NCOR1: variants seen among roughly 807,000 people sequenced by gnomAD.
NCOR1 encodes the protein nuclear receptor corepressor 1.
A neutral mutation model predicts 288.1 loss-of-function variants in NCOR1; 63 were observed. That is an observed-to-expected ratio of 0.22 (90% CI 0.18 to 0.27). The LOEUF is 0.27. NCOR1 is among the 10% of genes least tolerant of loss of function. The pLI, the probability that NCOR1 is intolerant of heterozygous loss-of-function variation, is 1.00. For missense variants in NCOR1, 2,397 were observed against 3,019.2 expected (o/e 0.79, Z 4.83); for synonymous variants, 1,007 against 1,065.9 (o/e 0.94, Z 1.08).
chr17:16,210,805 C>G (rs1313339671), intron 1 of NCOR1, among the ~76,000 whole-genome samples: 1 of 151,756 alleles, frequency 6.6e-6, no homozygotes, highest in African/African-American at 2.4e-5. Flanking sequence ...TCTCGGCTTA[C>G]TGCAAGCTCC....
intron 14 of NCOR1, among the ~76,000 whole-genome samples, chr17:16,131,253 C>T (rs571997133): frequency 1.3e-5 from 2 of 151,200 alleles, no homozygotes; most frequent in African/African-American, 4.9e-5. Flanking sequence ...TCAAACCTCC[C>T]AGGCTCAAGC....
intron 20 of NCOR1, 191 bp from the exon 21 acceptor site, chr17:16,098,687 T>A: frequency 2.4e-6 from 1 of 418,828 alleles, no homozygotes. Context: ...ATTTTCCAGA[T>A]AAAGAAACTG....
chr17:16,079,541 C>G (rs2063068444), intron 26 of NCOR1, among the ~76,000 whole-genome samples: 1 of 152,180 alleles, frequency 6.6e-6, no homozygotes, highest in Non-Finnish European at 1.5e-5. Flanking sequence ...TCCACATTTC[C>G]TGGTTTAGCA....
chr17:16,058,361 C>A, intron 38 of NCOR1, 110 bp downstream of exon 38: 1 of 1,385,934 alleles, frequency 7.2e-7, no homozygotes. Context: ...GTAAGATTAC[C>A]CTAAAACAAA....
rs1568194927 is a variant in NCOR1, at chr17:16,127,289, A to ATATGTATGTATGTATATATACATGTATG, written c.1510-1111_1510-1084dup. Reference sequence around the variant, plus strand: ...TATATGTATGTATATATACGTGTATATATGTATGTATGTATATATACATGT... The same window carrying ATATGTATGTATGTATATATACATGTATG: ...TATATGTATGTATATATACGTGTATATATGTATGTATGTATATATACATGTATGTATGTATGTATGTATATATACATGT... On this transcript the variant is annotated intron_variant, in intron 14 of 45. Coordinates refer to ENST00000268712, the MANE Select transcript of NCOR1 (RefSeq NM_006311.4). Among the ~76,000 whole-genome samples, 43 of 84,476 alleles carry ATATGTATGTATGTATATATACATGTATG rather than the reference A, an allele frequency of 5.1e-4. 12 individuals carry two copies. The highest frequency in any genetic ancestry group is 1.3e-3 in the Admixed American group (12 of 8,984). The allele number at this position is 84,476 out of a possible 152,430, so 55.4% of individuals were successfully genotyped here.
intron 9 of NCOR1, among the ~76,000 whole-genome samples, chr17:16,147,879 C>T (rs566469824): frequency 3.3e-5 from 5 of 152,100 alleles, no homozygotes; most frequent in South Asian, 2.1e-4. Flanking sequence ...AGTGCAGTGG[C>T]GCGATCTCGC....
At chr17:16,113,576 A>C (rs1476082385) in intron 18 of NCOR1, among the ~76,000 whole-genome samples, 1 of 152,136 alleles carries the variant, frequency 6.6e-6, no homozygotes, top group Non-Finnish European at 1.5e-5. Context: ...TACCATATCA[A>C]GGAACCCTTC....
intron 4 of NCOR1, among the ~76,000 whole-genome samples, chr17:16,168,063 TAAAC>T (rs1230802182): frequency 5.3e-5 from 8 of 151,808 alleles, no homozygotes; most frequent in Non-Finnish European, 8.8e-5. Context: ...AAATAACCAA[TAAAC>T]AAATAAAAAA....
intron 14 of NCOR1, among the ~76,000 whole-genome samples, chr17:16,127,590 T>TAC (rs2153218276): frequency 6.8e-6 from 1 of 147,078 alleles, no homozygotes; most frequent in African/African-American, 2.5e-5. Flanking sequence ...TATGTGTATA[T>TAC]ATGTATGTAT....
intron 1 of NCOR1, among the ~76,000 whole-genome samples, chr17:16,205,124 G>A (rs1193923460): frequency 6.6e-6 from 1 of 151,990 alleles, no homozygotes; most frequent in Non-Finnish European, 1.5e-5. Context: ...GGAGGCTAAG[G>A]CAGGAGAATC....
chr17:16,146,971 C>G (rs2078080044), intron 9 of NCOR1, among the ~76,000 whole-genome samples: 1 of 152,174 alleles, frequency 6.6e-6, no homozygotes. Flanking sequence ...TCCTTCCAAT[C>G]TGCGAAACAA....
intron 1 of NCOR1, among the ~76,000 whole-genome samples, chr17:16,199,367 A>G (rs1313563224): frequency 6.6e-6 from 1 of 152,096 alleles, no homozygotes; most frequent in Admixed American, 6.6e-5. Flanking sequence ...AAACTTATCC[A>G]TGAGATACAC....
intron 3 of NCOR1, among the ~76,000 whole-genome samples, chr17:16,184,646 A>C (rs2086227591): frequency 6.6e-6 from 1 of 152,200 alleles, no homozygotes; most frequent in African/African-American, 2.4e-5. Context: ...ATTATGGAAA[A>C]CAGTATGAAA....
chr17:16,077,632 G>GGAAAAGAAAAGA (rs1201332797), intron 26 of NCOR1, among the ~76,000 whole-genome samples: 14 of 148,738 alleles, frequency 9.4e-5, no homozygotes, highest in East Asian at 2.0e-4. Context: ...AGGGAGGAAG[G>GGAAAAGAAAAGA]GAAAAGAAAA....
At chr17:16,186,495 CA>C in intron 3 of NCOR1, 58 bp downstream of exon 3, 2 of 1,507,264 alleles carry the variant, frequency 1.3e-6, no homozygotes, top group East Asian at 4.7e-5. Flanking sequence ...AAAATAATGA[CA>C]AACTTGTATA....
At position 16,180,038 on chromosome 17, in the gene NCOR1, C is replaced by T. The variant is rs115019769; in HGVS notation, c.242+6516G>A. Among the ~76,000 whole-genome samples the T allele has an allele frequency of 6.1e-3, 928 of 151,142 alleles. 9 individuals are homozygous for T. Among genetic ancestry groups the T allele is most frequent in the African/African-American group, 0.022 (903 of 41,080 alleles). On this transcript the variant is annotated intron_variant, in intron 3 of 45. Coordinates refer to ENST00000268712, the MANE Select transcript of NCOR1 (RefSeq NM_006311.4). ...AACAACACATCACGAAGATTACAAA[C>T]CACTAGCAAGTGGGACATATCCCTG...
chr17:16,065,883 C>G (rs1219193120), intron 32 of NCOR1, 189 bp from the exon 33 acceptor site: 1 of 586,944 alleles, frequency 1.7e-6, no homozygotes, highest in African/African-American at 1.9e-5. Context: ...ATTCTAATGT[C>G]TAAGATGTAA....
At chr17:16,160,107 C>A (rs1254777144) in intron 5 of NCOR1, among the ~76,000 whole-genome samples, 1 of 152,110 alleles carries the variant, frequency 6.6e-6, no homozygotes, top group East Asian at 1.9e-4. Flanking sequence ...GCCGGGATTA[C>A]CGCTGTGAGC....
In NCOR1 at chr17:16,193,289, G is replaced by A. The variant is rs536251196; in HGVS notation, c.108+1173C>T. On this transcript the variant is annotated intron_variant, in intron 2 of 45. Coordinates refer to ENST00000268712, the MANE Select transcript of NCOR1 (RefSeq NM_006311.4). ...CTTGTTGCCCAGGCTGGAGTGCAAC[G>A]GCGCAATTTTGGCTCACTGCAACCT... 7.0e-3 allele frequency among the ~76,000 whole-genome samples: 1,061 copies of A among 151,914 alleles called. 11 individuals carry two copies. The highest frequency in any genetic ancestry group is 0.025 in the African/African-American group (1,019 of 41,416).
Sources: allele counts gnomAD v4.1 joint callset (sites outside exome capture counted in the v4.1 genomes callset), GRCh38; gene constraint gnomAD v4.1.1; transcripts MANE v1.5; gene names NCBI Gene and HGNC (gene_info 2026-07-23, HGNC 2026-07-21).